Variants in DISP1 observed in about 807,000 individuals in gnomAD.
The protein encoded by DISP1 is protein dispatched homolog 1.
Under a neutral mutation model 37.3 loss-of-function variants are expected in DISP1, and 30 were observed. The ratio of observed to expected loss-of-function variants is 0.80; its 90% confidence interval spans 0.60 to 1.09. DISP1 has a LOEUF of 1.09. Ranked by LOEUF, DISP1 falls within the 50% of genes least tolerant of loss-of-function variation. The pLI, the probability that DISP1 is intolerant of heterozygous loss-of-function variation, is 0.00. For missense variants in DISP1, 1,598 were observed against 1,879.5 expected (o/e 0.85, Z 2.77); for synonymous variants, 634 against 690.2 (o/e 0.92, Z 1.28).
intron 3 of DISP1, among the ~76,000 whole-genome samples, chr1:222,970,915 A>G (rs942056590): frequency 2.2e-4 from 34 of 152,252 alleles, no homozygotes; most frequent in African/African-American, 7.5e-4. Context: ...CTAGTGCCAA[A>G]GTGTAAAAGG....
chr1:222,944,394 C>T (rs1002462954), intron 3 of DISP1, among the ~76,000 whole-genome samples: 10 of 152,030 alleles, frequency 6.6e-5, no homozygotes, highest in Non-Finnish European at 1.5e-4. Context: ...ATATATTTTA[C>T]AAAATACTAA....
rs1558320195 is a variant in DISP1 at position 222,902,703 on chromosome 1, C to T, written c.-158-25727C>T. Among the ~76,000 whole-genome samples, 5 of 152,106 alleles carry T rather than the reference C, an allele frequency of 3.3e-5. No homozygotes were observed. The South Asian group carries it at 8.3e-4, about 25-fold the overall frequency. On this transcript the variant is annotated intron_variant, in intron 1 of 8. Transcript: ENST00000675850. Reference sequence around the variant, plus strand: ...CAGCCAAAAAACACATGAAAAAATGCTCATCATCACTGGCCATGAGAGAAA... The same window carrying T: ...CAGCCAAAAAACACATGAAAAAATGTTCATCATCACTGGCCATGAGAGAAA...
intron 1 of DISP1, among the ~76,000 whole-genome samples, chr1:222,815,736 G>C (rs1661047890): frequency 6.6e-6 from 1 of 152,186 alleles, no homozygotes; most frequent in African/African-American, 2.4e-5. Flanking sequence ...ACTGATAGTA[G>C]TTGAGAGTTC....
intron 1 of DISP1, among the ~76,000 whole-genome samples, chr1:222,927,040 T>G (rs1266233345): frequency 6.6e-6 from 1 of 152,114 alleles, no homozygotes; most frequent in African/African-American, 2.4e-5. Context: ...GAGGATCAAC[T>G]GTACTGGGAG....
chr1:222,982,999 A>G, intron 3 of DISP1, 81 bp from the exon 4 acceptor site: 3 of 1,051,620 alleles, frequency 2.9e-6, no homozygotes, highest in Non-Finnish European at 4.3e-6. Flanking sequence ...TGTTCAACAC[A>G]TATGTAAAGC....
intron 1 of DISP1, among the ~76,000 whole-genome samples, chr1:222,910,317 T>A (rs1672139300): frequency 6.6e-6 from 1 of 152,148 alleles, no homozygotes. Context: ...AAGCCATGAT[T>A]GCACTATGGC....
intron 1 of DISP1, among the ~76,000 whole-genome samples, chr1:222,922,420 G>A (rs978602292): frequency 6.6e-6 from 1 of 152,148 alleles, no homozygotes; most frequent in Non-Finnish European, 1.5e-5. Context: ...AAATGGAAAG[G>A]ATGGGTATAT....
chr1:222,862,831 T>A (rs1572367573), intron 1 of DISP1, among the ~76,000 whole-genome samples: 1 of 152,098 alleles, frequency 6.6e-6, no homozygotes, highest in East Asian at 1.9e-4. Flanking sequence ...GTGCTCAGCG[T>A]CAGTCGTATC....
intron 1 of DISP1, among the ~76,000 whole-genome samples, chr1:222,833,722 T>A (rs1666335294): frequency 6.6e-6 from 1 of 152,240 alleles, no homozygotes; most frequent in Non-Finnish European, 1.5e-5. Context: ...TCTAATTAAC[T>A]TGACAGAAGC....
At chr1:222,962,937 AT>A (rs1354490875) in intron 3 of DISP1, among the ~76,000 whole-genome samples, 1 of 152,260 alleles carries the variant, frequency 6.6e-6, no homozygotes, top group Non-Finnish European at 1.5e-5. Context: ...ATGGGATCTA[AT>A]TAAACTAAAG....
At chr1:222,934,715 A>C (rs983491545) in intron 2 of DISP1, among the ~76,000 whole-genome samples, 6 of 152,118 alleles carry the variant, frequency 3.9e-5, no homozygotes, top group Non-Finnish European at 7.4e-5. Context: ...CCCATCTTTT[A>C]ATACCTAGTG....
chr1:222,878,762 A>G (rs73128633), intron 1 of DISP1, among the ~76,000 whole-genome samples: 3,944 of 152,224 alleles, frequency 0.026, 186 homozygotes, highest in African/African-American at 0.088. Context: ...GAAATATAAC[A>G]TGTCTATAGG....
At chr1:222,840,728 AAT>A (rs375657508) in intron 1 of DISP1, among the ~76,000 whole-genome samples, 14,256 of 151,538 alleles carry the variant, frequency 0.094, 733 homozygotes, top group African/African-American at 0.12. Flanking sequence ...ACACCCGGCT[AAT>A]TTTTTGTATT....
chr1:222,911,490 T>A (rs1343935663), intron 1 of DISP1, among the ~76,000 whole-genome samples: 11 of 151,474 alleles, frequency 7.3e-5, no homozygotes, highest in Admixed American at 7.2e-4. Context: ...ATGGAAGAAA[T>A]TTTTTTTTGG....
At chr1:222,894,041 T>C (rs1183336106) in intron 1 of DISP1, among the ~76,000 whole-genome samples, 1 of 152,146 alleles carries the variant, frequency 6.6e-6, no homozygotes, top group Non-Finnish European at 1.5e-5. Flanking sequence ...GGGTAGTTCC[T>C]TCTCCCAGCC....
At chr1:222,871,389 C>T (rs914226518) in intron 1 of DISP1, among the ~76,000 whole-genome samples, 3 of 152,104 alleles carry the variant, frequency 2.0e-5, no homozygotes, top group African/African-American at 7.2e-5. Context: ...GGCAGTATGG[C>T]CATTTTCACG....
intron 1 of DISP1, among the ~76,000 whole-genome samples, chr1:222,860,262 C>T (rs1668805091): frequency 6.6e-6 from 1 of 152,138 alleles, no homozygotes; most frequent in African/African-American, 2.4e-5. Flanking sequence ...CCATGTTGGT[C>T]AGGCTGGTCT....
At chr1:222,887,720 G>C (rs1252819888) in intron 1 of DISP1, among the ~76,000 whole-genome samples, 1 of 111,906 alleles carries the variant, frequency 8.9e-6, no homozygotes, top group Admixed American at 7.7e-5. Context: ...GGATGGTCTC[G>C]ATCTCCTGAC....
chr1:222,903,585 A>AT (rs1671734910), intron 1 of DISP1, among the ~76,000 whole-genome samples: 1 of 152,070 alleles, frequency 6.6e-6, no homozygotes, highest in South Asian at 2.1e-4. Flanking sequence ...CCAATTGCTT[A>AT]TTTTTTCTTT....
Sources: allele counts gnomAD v4.1 joint callset (sites outside exome capture counted in the v4.1 genomes callset), GRCh38; gene constraint gnomAD v4.1.1; transcripts MANE v1.5; gene names NCBI Gene and HGNC (gene_info 2026-07-23, HGNC 2026-07-21).